RRBP1: variants seen among roughly 807,000 people sequenced by gnomAD.
RRBP1 encodes the protein ribosome-binding protein 1.
A neutral mutation model predicts 165.2 loss-of-function variants in RRBP1; 94 were observed. The observed-to-expected ratio is 0.57, with a 90% CI of 0.48 to 0.68. The LOEUF is 0.68. Ranked by LOEUF, RRBP1 falls within the 30% of genes least tolerant of loss-of-function variation. The pLI is 0.00. For missense variants in RRBP1, 1,676 were observed against 1,763.0 expected (o/e 0.95, Z 0.88); for synonymous variants, 680 against 714.5 (o/e 0.95, Z 0.77).
chr20:17,669,150 G>GT (rs1389428683), intron 2 of RRBP1, among the ~76,000 whole-genome samples: 1 of 152,154 alleles, frequency 6.6e-6, no homozygotes. Flanking sequence ...TTAAAGAAGA[G>GT]TTGAAACACT....
chr20:17,671,954 A>AT (rs2036987597), intron 2 of RRBP1, among the ~76,000 whole-genome samples: 1 of 152,194 alleles, frequency 6.6e-6, no homozygotes, highest in African/African-American at 2.4e-5. Context: ...GCCAAACCAA[A>AT]TTCCAGCCAA....
chr20:17,618,867 C>T (rs2035853723), intron 19 of RRBP1, 188 bp from the exon 20 acceptor site: 1 of 599,428 alleles, frequency 1.7e-6, no homozygotes, highest in Admixed American at 2.8e-5. Context: ...TTTTTGAGGA[C>T]TTAGGAAGAA....
chr20:17,632,247 C>T (rs1027308910), intron 8 of RRBP1, among the ~76,000 whole-genome samples: 2 of 152,204 alleles, frequency 1.3e-5, no homozygotes, highest in Non-Finnish European at 2.9e-5. Context: ...AGGCTGTGGA[C>T]AAGGACCCTG....
chr20:17,652,105 C>A (rs1226955573), intron 3 of RRBP1, among the ~76,000 whole-genome samples: 2 of 152,234 alleles, frequency 1.3e-5, no homozygotes, highest in African/African-American at 2.4e-5. Flanking sequence ...ATGGGCCAGC[C>A]ACAGCCTCTG....
intron 3 of RRBP1, among the ~76,000 whole-genome samples, chr20:17,651,650 C>G (rs946592658): frequency 2.0e-5 from 3 of 152,294 alleles, no homozygotes; most frequent in South Asian, 2.1e-4. Context: ...TTTACCCCCC[C>G]GCCCCTCCAC....
Position 17,614,751 on chromosome 20 carries a change from G to GT in RRBP1, c.4179dup (p.Gln1394ThrfsTer41), listed in dbSNP as rs766472684. On this transcript the variant is annotated frameshift_variant, in exon 24 of 25. Transcript: ENST00000377813. LOFTEE classifies it high-confidence loss of function. The stretch of plus-strand genomic sequence containing the variant: ...CAGGCACGCACTGCCTTTTCCAGCT[G>GT]TTCCTGCAGCTTCTTCACCGTGTCC... 6.2e-7 allele frequency: 1 copy of GT among 1,612,734 alleles called. No individual in the cohort carries two copies. The highest frequency in any genetic ancestry group is 1.1e-5 in the South Asian group (1 of 91,076).
At chr20:17,670,094 T>C (rs1407914089) in intron 2 of RRBP1, among the ~76,000 whole-genome samples, 3 of 152,174 alleles carry the variant, frequency 2.0e-5, no homozygotes, top group African/African-American at 4.8e-5. Flanking sequence ...GATAAAGAGG[T>C]TGCTTTCTTA....
At chr20:17,657,049 G>T (rs1480325627) in intron 3 of RRBP1, among the ~76,000 whole-genome samples, 1 of 152,144 alleles carries the variant, frequency 6.6e-6, no homozygotes, top group African/African-American at 2.4e-5. Flanking sequence ...AAAACCACAC[G>T]AAATAACAAT....
At chr20:17,666,119 A>G (rs539950523) in intron 2 of RRBP1, among the ~76,000 whole-genome samples, 2 of 152,352 alleles carry the variant, frequency 1.3e-5, no homozygotes, top group Non-Finnish European at 2.9e-5. Flanking sequence ...AATCACACTG[A>G]GTTTATACAT....
chr20:17,614,673 CCTGCCTCCCCGGGG>C, intron 24 of RRBP1, 50 bp downstream of exon 24: 1 of 1,592,198 alleles, frequency 6.3e-7, no homozygotes. Flanking sequence ...CTCTCCCGGT[CCTGCCTCCCCGGGG>C]CTCCCGGCAG....
intron 5 of RRBP1, 52 bp downstream of exon 5, chr20:17,641,745 T>C: frequency 6.2e-7 from 1 of 1,601,090 alleles, no homozygotes; most frequent in Non-Finnish European, 8.5e-7. Context: ...GGGGCGGGGG[T>C]CCTCTGAGGA....
At position 17,620,736 on chromosome 20, in the gene RRBP1, G is replaced by A. The variant is rs765349717; in HGVS notation, c.3486C>T (p.Ala1162=). ...ATACCTTCTGGAGCTCCTCCTCTGC[G>A]GCGCCCACCTTGGCCCTCCACACCT... The part of the protein sequence containing the change: ...EEQVWRAKVG[A]AEEELQKSRV... Residue 1162 remains alanine (A), a synonymous_variant, in exon 17 of 25, where the codon GCC becomes GCT. Coordinates refer to ENST00000377813, the MANE Select transcript of RRBP1 (RefSeq NM_001365613.2). The A allele has an allele frequency of 2.5e-5, 40 of 1,606,210 alleles. No individual in the cohort carries two copies. Among genetic ancestry groups the A allele is most frequent in the African/African-American group, 1.3e-4 (10 of 74,570 alleles).
At chr20:17,638,199 G>A (rs2036283172) in intron 5 of RRBP1, among the ~76,000 whole-genome samples, 1 of 152,222 alleles carries the variant, frequency 6.6e-6, no homozygotes, top group East Asian at 1.9e-4. Context: ...TGGCAGACAG[G>A]TGTGGTAGAG....
At chr20:17,649,871 G>C (rs1290794592) in intron 3 of RRBP1, among the ~76,000 whole-genome samples, 2 of 152,156 alleles carry the variant, frequency 1.3e-5, no homozygotes, top group African/African-American at 4.8e-5. Context: ...CCAGGCTCCA[G>C]AATGTGGGAA....
At chr20:17,621,588 A>G (rs1426948057) in intron 15 of RRBP1, 41 bp from the exon 16 acceptor site, 1 of 1,593,006 alleles carries the variant, frequency 6.3e-7, no homozygotes, top group Non-Finnish European at 8.6e-7. Context: ...GCCACACACA[A>G]AGGTTCTTCT....
chr20:17,661,808 T>A (rs2036771385), intron 2 of RRBP1, among the ~76,000 whole-genome samples: 2 of 152,160 alleles, frequency 1.3e-5, no homozygotes. Flanking sequence ...GCTCAGATAC[T>A]GAGATTCTTC....
At chr20:17,669,767 G>A (rs892466316) in intron 2 of RRBP1, among the ~76,000 whole-genome samples, 9 of 152,134 alleles carry the variant, frequency 5.9e-5, no homozygotes, top group Non-Finnish European at 8.8e-5. Flanking sequence ...GCTGGTATAC[G>A]GAAACGTAAC....
chr20:17,626,522 T>C (rs940626437), intron 11 of RRBP1, among the ~76,000 whole-genome samples: 1 of 152,210 alleles, frequency 6.6e-6, no homozygotes, highest in African/African-American at 2.4e-5. Flanking sequence ...GGTGCTTCTT[T>C]GGTGACGAGG....
At chr20:17,657,286 C>A (rs1280881090) in intron 3 of RRBP1, among the ~76,000 whole-genome samples, 1 of 152,228 alleles carries the variant, frequency 6.6e-6, no homozygotes. Flanking sequence ...GCTGGCTTCC[C>A]ACAGGAGCCT....
Sources: allele counts gnomAD v4.1 joint callset (sites outside exome capture counted in the v4.1 genomes callset), GRCh38; gene constraint gnomAD v4.1.1; transcripts MANE v1.5; gene names NCBI Gene and HGNC (gene_info 2026-07-23, HGNC 2026-07-21).